Variants in VPS53 observed in about 807,000 individuals in gnomAD.
VPS53 encodes vacuolar protein sorting-associated protein 53 homolog.
Under a neutral mutation model 107.0 loss-of-function variants are expected in VPS53, and 70 were observed. The observed-to-expected ratio is 0.65, with a 90% confidence interval of 0.54 to 0.80. VPS53 has a LOEUF of 0.80. Among genes scored for constraint, VPS53 ranks in the 30% least tolerant of loss-of-function variants. The pLI, the probability that VPS53 is intolerant of heterozygous loss-of-function variation, is 0.00. For synonymous variants in VPS53, 409 were observed against 393.3 expected, an observed-to-expected ratio of 1.04 and a Z score of -0.47; for missense variants, 917 against 1,049.4, an observed-to-expected ratio of 0.87 and a Z score of 1.74.
intron 13 of VPS53, among the ~76,000 whole-genome samples, chr17:585,835 A>G (rs1967281951): frequency 6.6e-6 from 1 of 152,194 alleles, no homozygotes; most frequent in Non-Finnish European, 1.5e-5. Flanking sequence ...ACATTCTCTG[A>G]GGAGGGCATG....
chr17:536,292 G>A (rs1365005270), intron 18 of VPS53: 1 of 152,082 alleles, frequency 6.6e-6, no homozygotes, highest in South Asian at 2.1e-4. Flanking sequence ...AGTATGAATA[G>A]ATAAATTCTA....
chr17:714,785 A>G lies in VPS53; in HGVS notation c.-76T>C. 1.3e-6 allele frequency: 2 copies of G among 1,537,684 alleles called. No homozygotes were observed. Among genetic ancestry groups the G allele is most frequent in the Non-Finnish European group, 9.0e-7 (1 of 1,113,170 alleles). On this transcript the variant is annotated 5_prime_UTR_variant, in exon 1 of 22. Transcript: ENST00000437048. The stretch of plus-strand genomic sequence containing the variant: ...CCAGCCGCCACCCAGGCCCCAGCAC[A>G]GCAACTCCCTCGCGGCAGCGACCTG...
chr17:614,630 C>T (rs1000942822), intron 11 of VPS53, among the ~76,000 whole-genome samples: 5 of 152,284 alleles, frequency 3.3e-5, no homozygotes, highest in Admixed American at 2.0e-4. Context: ...TGTGGCAGAG[C>T]TGGAAAACCT....
At chr17:540,571 C>T (rs1288571140) in intron 17 of VPS53, 1 of 152,042 alleles carries the variant, frequency 6.6e-6, no homozygotes, top group Admixed American at 6.5e-5. Context: ...TCATGAAAAG[C>T]CATCAGTAGA....
chr17:612,079 C>T (rs1432515099), intron 11 of VPS53, among the ~76,000 whole-genome samples: 7 of 151,966 alleles, frequency 4.6e-5, no homozygotes, highest in South Asian at 4.2e-4. Flanking sequence ...AAAATATTCA[C>T]ATAGTGAGTT....
At position 714,646 on chromosome 17, in the gene VPS53, C is replaced by T. The variant is rs1597526867; in HGVS notation, c.64G>A (p.Glu22Lys). Residue 22 changes from glutamate to lysine, a missense_variant, in exon 1 of 22, where the codon GAG becomes AAG. Physicochemically the swap from Glu to Lys is moderately conservative, Grantham distance 56. Transcript: ENST00000437048. The part of the protein sequence containing the change: ...ELEAVLQLTP[E>K]VQLAIEQVFP... ...ACCTGCTCGATGGCCAGCTGCACCT[C>T]GGGCGTGAGCTGCAGCACGGCTTCC... 5 of 1,612,846 alleles carry T rather than the reference C, an allele frequency of 3.1e-6. No individual in the cohort carries two copies. Among genetic ancestry groups the T allele is most frequent in the Non-Finnish European group, 4.2e-6 (5 of 1,179,434 alleles).
intron 12 of VPS53, among the ~76,000 whole-genome samples, chr17:589,217 T>G (rs188094560): frequency 1.2e-3 from 184 of 152,200 alleles, no homozygotes; most frequent in Admixed American, 3.7e-3. Flanking sequence ...TTTTGCTTTT[T>G]TTTTAAATTT....
At chr17:584,700 A>T (rs1209878198) in intron 13 of VPS53, among the ~76,000 whole-genome samples, 1 of 151,960 alleles carries the variant, frequency 6.6e-6, no homozygotes, top group Non-Finnish European at 1.5e-5. Context: ...TTTTTAAAAA[A>T]ATTATTTATA....
chr17:564,123 C>T (rs1320367053), intron 13 of VPS53, among the ~76,000 whole-genome samples: 6 of 150,962 alleles, frequency 4.0e-5, no homozygotes, highest in East Asian at 2.0e-4. Context: ...GGGCCGGGTG[C>T]GGTGGCTCAT....
chr17:610,768 A>T (rs1184515412), intron 11 of VPS53, among the ~76,000 whole-genome samples: 1 of 150,632 alleles, frequency 6.6e-6, no homozygotes, highest in Non-Finnish European at 1.5e-5. Flanking sequence ...AAAAAAAAAA[A>T]AAATACAAAA....
chr17:703,930 G>A (rs1470130282), intron 2 of VPS53, among the ~76,000 whole-genome samples: 10 of 151,524 alleles, frequency 6.6e-5, no homozygotes, highest in African/African-American at 1.9e-4. Context: ...TGATCCACCC[G>A]CCTTGGTCTC....
chr17:577,041 G>C (rs1373369998), intron 13 of VPS53, among the ~76,000 whole-genome samples: 1 of 139,886 alleles, frequency 7.1e-6, no homozygotes, highest in African/African-American at 2.7e-5. Flanking sequence ...TCAGGATCTA[G>C]TGCGTTCCCA....
Position 660,338 on chromosome 17 carries a change from C to T in VPS53, c.372+1471G>A, listed in dbSNP as rs147640022. On this transcript the variant is annotated intron_variant, in intron 5 of 21. Coordinates refer to ENST00000437048, the MANE Select transcript of VPS53 (RefSeq NM_001128159.3). ...GTGCTGACACAAAGGAACCAGCACA[C>T]TGCTGGCACTGAAAGAGCTCAACAA... is the stretch of plus-strand genomic sequence containing the variant. 3.3e-4 allele frequency among the ~76,000 whole-genome samples: 51 copies of T among 152,328 alleles called. No individual in the cohort carries two copies. The East Asian group carries it at 9.4e-3, about 28-fold the overall frequency.
chr17:612,271 TCACA>T (rs1379968349), intron 11 of VPS53, among the ~76,000 whole-genome samples: 5 of 103,342 alleles, frequency 4.8e-5, no homozygotes. Flanking sequence ...CATAGTGAGT[TCACA>T]CAGTGAAAAC....
At chr17:629,393 A>T (rs1008175380) in intron 8 of VPS53, among the ~76,000 whole-genome samples, 3 of 152,330 alleles carry the variant, frequency 2.0e-5, no homozygotes, top group African/African-American at 4.8e-5. Context: ...AAAAATTTTT[A>T]AAAATCTTAA....
intron 12 of VPS53, among the ~76,000 whole-genome samples, chr17:594,518 T>C (rs1237555405): frequency 1.4e-5 from 2 of 147,382 alleles, no homozygotes; most frequent in Admixed American, 1.4e-4. Flanking sequence ...GGTTTAATGA[T>C]GCACTCTAGT....
At chr17:615,688 T>G (rs1969104823) in intron 11 of VPS53, among the ~76,000 whole-genome samples, 1 of 152,232 alleles carries the variant, frequency 6.6e-6, no homozygotes, top group African/African-American at 2.4e-5. Flanking sequence ...CGTTTCACAA[T>G]TTATTCTGGT....
intron 4 of VPS53, 112 bp downstream of exon 4, chr17:697,306 G>T: frequency 1.1e-6 from 1 of 905,174 alleles, no homozygotes; most frequent in Non-Finnish European, 1.8e-6. Flanking sequence ...TGCCATGTAT[G>T]AAACGGATCA....
chr17:714,759 T>G lies in VPS53; in HGVS notation c.-50A>C, dbSNP rs1031984851. The G allele has an allele frequency of 9.4e-6, 15 of 1,602,112 alleles. No individual in the cohort carries two copies. The highest frequency in any genetic ancestry group is 1.3e-5 in the Non-Finnish European group (15 of 1,170,270). ...CCCCGCCGCGAGCCCAACTCAGGCC[T>G]CCAGCCGCCACCCAGGCCCCAGCAC... On this transcript the variant is annotated 5_prime_UTR_variant, in exon 1 of 22. Coordinates refer to ENST00000437048, the MANE Select transcript of VPS53 (RefSeq NM_001128159.3).
Sources: gnomAD v4.1 joint callset for allele counts (sites outside exome capture counted in the v4.1 genomes callset) on GRCh38, gnomAD v4.1.1 for gene constraint, MANE v1.5 for transcripts, NCBI Gene and HGNC (gene_info 2026-07-23, HGNC 2026-07-21) for gene names.